Variants in MYO6 observed in about 807,000 individuals in gnomAD.
MYO6 encodes myosin VI.
A neutral mutation model predicts 178.7 loss-of-function variants in MYO6; 74 were observed. The observed-to-expected ratio is 0.41, with a 90% CI of 0.34 to 0.50. The LOEUF is 0.50. MYO6 is among the 20% of genes least tolerant of loss of function. The probability of loss-of-function intolerance (pLI) is 0.09; values close to 1 mark genes in which losing one functional copy is unlikely to be tolerated. For synonymous variants in MYO6, 477 were observed against 504.6 expected, an observed-to-expected ratio of 0.95 and a Z score of 0.73; for missense variants, 1,330 against 1,547.4, an observed-to-expected ratio of 0.86 and a Z score of 2.36.
intron 23 of MYO6, among the ~76,000 whole-genome samples, chr6:75,885,681 T>A (rs1778374246): frequency 6.6e-6 from 1 of 151,956 alleles, no homozygotes; most frequent in African/African-American, 2.4e-5. Flanking sequence ...CTCCCGACCC[T>A]ACGATCCGCC....
chr6:75,821,461 G>C (rs1771862537), intron 2 of MYO6, among the ~76,000 whole-genome samples: 3 of 152,056 alleles, frequency 2.0e-5, no homozygotes, highest in Non-Finnish European at 4.4e-5. Context: ...TTTGTGGCCT[G>C]TCCTACAAAC....
intron 1 of MYO6, among the ~76,000 whole-genome samples, chr6:75,770,818 G>T (rs1465436712): frequency 6.6e-6 from 1 of 152,008 alleles, no homozygotes; most frequent in African/African-American, 2.4e-5. Flanking sequence ...CATTGTTTGT[G>T]TAATTGAAAG....
intron 3 of MYO6, among the ~76,000 whole-genome samples, chr6:75,823,516 C>CA (rs1158062267): frequency 6.6e-6 from 1 of 151,584 alleles, no homozygotes; most frequent in Non-Finnish European, 1.5e-5. Context: ...CTCCATTTAA[C>CA]AAAAAAAGGT....
chr6:75,765,173 T>C (rs1046933787), intron 1 of MYO6, among the ~76,000 whole-genome samples: 3 of 102,896 alleles, frequency 2.9e-5, no homozygotes, highest in African/African-American at 1.3e-4. Context: ...AAAAAAGCTT[T>C]TTTTTTTTTT....
At chr6:75,868,858 GA>G (rs1278597317) in intron 18 of MYO6, among the ~76,000 whole-genome samples, 1 of 151,966 alleles carries the variant, frequency 6.6e-6, no homozygotes, top group African/African-American at 2.4e-5. Flanking sequence ...TAGTGTTTTA[GA>G]AAAAGTCATC....
intron 22 of MYO6, 123 bp from the exon 23 acceptor site, chr6:75,881,566 T>G: frequency 1.1e-6 from 1 of 942,332 alleles, no homozygotes; most frequent in Non-Finnish European, 1.6e-6. Flanking sequence ...AAGGCCTATG[T>G]AATTGACATG....
At chr6:75,750,347 G>C (rs1003649638) in intron 1 of MYO6, among the ~76,000 whole-genome samples, 6 of 151,748 alleles carry the variant, frequency 4.0e-5, no homozygotes, top group African/African-American at 1.5e-4. Flanking sequence ...CATCCGCCTC[G>C]GTCTCCCAAA....
intron 18 of MYO6, among the ~76,000 whole-genome samples, chr6:75,867,953 G>T (rs1465511887): frequency 1.3e-5 from 2 of 151,878 alleles, no homozygotes; most frequent in East Asian, 3.9e-4. Flanking sequence ...GTATACGAGA[G>T]AATTAATTTC....
At chr6:75,869,118 G>A (rs1776937159) in intron 18 of MYO6, among the ~76,000 whole-genome samples, 1 of 115,340 alleles carries the variant, frequency 8.7e-6, no homozygotes, top group Non-Finnish European at 1.6e-5. Flanking sequence ...TGCTTAGTCT[G>A]TGGATGAAGG....
At chr6:75,907,059 G>T (rs1347493594) in intron 30 of MYO6, among the ~76,000 whole-genome samples, 1 of 152,136 alleles carries the variant, frequency 6.6e-6, no homozygotes, top group African/African-American at 2.4e-5. Flanking sequence ...TGGGTTGCAG[G>T]TTTGGCTACT....
chr6:75,892,627 G>A lies in MYO6; in HGVS notation c.3044G>A (p.Arg1015Lys). 6.2e-7 allele frequency: 1 copy of A among 1,613,212 alleles called. No homozygotes were observed. Among genetic ancestry groups the A allele is most frequent in the Non-Finnish European group, 8.5e-7 (1 of 1,180,018 alleles). Reference sequence around the variant, plus strand: ...CGCAGGGACCGGGAGCTGGCCCTGAGGATTGCCCAGAGTGAAGCCGAGCTC... The same window carrying A: ...CGCAGGGACCGGGAGCTGGCCCTGAAGATTGCCCAGAGTGAAGCCGAGCTC... ...QERRDRELAL[R>K]IAQSEAELIS... The change falls in exon 28 of 35, where the codon AGG becomes AAG. Residue 1015 changes from arginine to lysine, a missense_variant. Around this residue, in one of 3 missense-constraint regions of MYO6, gnomAD observed 601 missense variants for 626.1 expected, o/e 0.96. Transcript: ENST00000369977.
chr6:75,860,916 G>A, intron 14 of MYO6, 107 bp from the exon 15 acceptor site: 1 of 877,228 alleles, frequency 1.1e-6, no homozygotes, highest in Non-Finnish European at 1.9e-6. Context: ...ATACCAGTTT[G>A]TATAAACCTT....
At chr6:75,811,123 G>A (rs993406805) in intron 1 of MYO6, among the ~76,000 whole-genome samples, 2 of 152,028 alleles carry the variant, frequency 1.3e-5, no homozygotes, top group Admixed American at 1.3e-4. Context: ...GTGGGGATTG[G>A]GGTAGGGGGG....
At chr6:75,887,134 G>A in intron 25 of MYO6, 140 bp downstream of exon 25, 1 of 762,574 alleles carries the variant, frequency 1.3e-6, no homozygotes, top group Non-Finnish European at 2.1e-6. Context: ...GCAAGTACAT[G>A]CTCATCATTA....
intron 1 of MYO6, among the ~76,000 whole-genome samples, chr6:75,782,397 T>C (rs1476339175): frequency 6.6e-6 from 1 of 152,184 alleles, no homozygotes; most frequent in African/African-American, 2.4e-5. Flanking sequence ...TGCTTCCACA[T>C]AATTTTTTAA....
chr6:75,824,678 G>T (rs1772258338), intron 3 of MYO6, among the ~76,000 whole-genome samples: 1 of 152,034 alleles, frequency 6.6e-6, no homozygotes, highest in African/African-American at 2.4e-5. Flanking sequence ...TGAAGTATGT[G>T]TTGAAGGTTC....
chr6:75,902,892 G>T (rs370704023), intron 30 of MYO6, among the ~76,000 whole-genome samples: 5 of 151,524 alleles, frequency 3.3e-5, no homozygotes, highest in African/African-American at 7.3e-5. Flanking sequence ...TACACACTGC[G>T]TTGAATGCGT....
At chr6:75,872,625 TAAAC>T (rs1777243193) in intron 19 of MYO6, among the ~76,000 whole-genome samples, 1 of 152,222 alleles carries the variant, frequency 6.6e-6, no homozygotes. Flanking sequence ...TTAAATATGT[TAAAC>T]AATTAAATGT....
intron 4 of MYO6, 74 bp downstream of exon 4, chr6:75,828,687 C>T (rs1389339533): frequency 1.1e-6 from 1 of 929,172 alleles, no homozygotes; most frequent in South Asian, 1.3e-5. Context: ...TTTTGTCACG[C>T]TTGAAATTGT....
Sources: allele counts gnomAD v4.1 joint callset (sites outside exome capture counted in the v4.1 genomes callset), GRCh38; gene constraint gnomAD v4.1.1; regional missense constraint gnomAD v4.1.1; transcripts MANE v1.5; gene names NCBI Gene and HGNC (gene_info 2026-07-23, HGNC 2026-07-21).